Variants in TBL3 observed in about 807,000 individuals in gnomAD.
TBL3 encodes transducin beta-like protein 3.
Under a neutral mutation model 102.7 loss-of-function variants are expected in TBL3, and 71 were observed. The observed-to-expected ratio is 0.69, with a 90% CI of 0.57 to 0.84. The LOEUF (loss-of-function observed/expected upper bound fraction) is 0.84, where lower values mean the gene tolerates loss of function less well. Ranked by LOEUF, TBL3 falls within the 40% of genes least tolerant of loss-of-function variation. The pLI is 0.00. For missense variants in TBL3, 1,188 were observed against 1,098.5 expected (o/e 1.08, Z -1.15); for synonymous variants, 578 against 477.7 (o/e 1.21, Z -2.74).
rs745510111 is a variant in TBL3 at position 1,977,941 on chromosome 16, T to TCCTCC, written c.1959-9_1959-5dup. On this transcript the variant is annotated splice_polypyrimidine_tract_variant and intron_variant, in intron 18 of 21. Transcript: ENST00000568546. ...CCAGCCAGCGGCCCTCAGTGGCCTC[T>TCCTCC]CCTCCCCTCCCCACAGGCAGCAAGA... The TCCTCC allele has an allele frequency of 6.9e-6, 11 of 1,590,514 alleles. No individual in the cohort carries two copies. The Admixed American group carries it at 1.9e-4, about 27-fold the overall frequency.
chr16:1,975,494 T>C, intron 9 of TBL3, 35 bp from the exon 10 acceptor site: 2 of 1,603,060 alleles, frequency 1.2e-6, no homozygotes, highest in East Asian at 2.2e-5. Flanking sequence ...CCTGTGGACC[T>C]GAGAGTCTCA....
At position 1,972,158 on chromosome 16, in the gene TBL3, C is replaced by A. The variant is rs1335712073; in HGVS notation, c.-7C>A. ...CAGGTTTCAGCTGGAGCGGCGGCGG[C>A]GGCAACATGGCAGAGACCGCGGCCG... On this transcript the variant is annotated 5_prime_UTR_variant, in exon 1 of 22. Coordinates refer to ENST00000568546, the MANE Select transcript of TBL3 (RefSeq NM_006453.3). 2.1e-6 allele frequency: 3 copies of A among 1,462,430 alleles called. No individual in the cohort carries two copies. Among genetic ancestry groups the A allele is most frequent in the East Asian group, 5.9e-5 (2 of 33,826 alleles). 90.6% of individuals were successfully genotyped at this position (1,462,430 alleles called of 1,614,324 possible). A position where few individuals can be genotyped will look rare whatever the true frequency, so the allele number is the denominator to read the frequency against.
In TBL3 at chr16:1,980,247, C is replaced by T; in HGVS notation, c.*1562C>T. 3.9e-6 allele frequency: 6 copies of T among 1,524,630 alleles called. No homozygotes were observed. The highest frequency in any genetic ancestry group is 4.4e-6 in the Non-Finnish European group (5 of 1,134,794). The allele number at this position is 1,524,630 out of a possible 1,614,324, so 94.4% of individuals were successfully genotyped here. A position where few individuals can be genotyped will look rare whatever the true frequency, so the allele number is the denominator to read the frequency against. On this transcript the variant is annotated 3_prime_UTR_variant, in exon 22 of 22. Coordinates refer to ENST00000568546, the MANE Select transcript of TBL3 (RefSeq NM_006453.3). ...GGGAGGGTGAAACTGGGGGCGCCAC[C>T]CCGGCAAGACCGCCAGCCTCCCACT... is the stretch of plus-strand genomic sequence containing the variant.
rs1282212593 is a variant in TBL3 at position 1,979,784 on chromosome 16, G to A, written c.*1099G>A. On this transcript the variant is annotated 3_prime_UTR_variant, in exon 22 of 22. Coordinates refer to ENST00000568546, the MANE Select transcript of TBL3 (RefSeq NM_006453.3). Reference sequence around the variant, plus strand: ...GGTGGCGTGAGGGGTGGGGTTAGGCGCATACCGCTGCTCCCTAGGGACGGG... The same window carrying A: ...GGTGGCGTGAGGGGTGGGGTTAGGCACATACCGCTGCTCCCTAGGGACGGG... 4 of 1,528,984 alleles carry A rather than the reference G, an allele frequency of 2.6e-6. No individual in the cohort carries two copies. The highest frequency in any genetic ancestry group is 2.4e-5 in the East Asian group (1 of 41,002). 94.7% of individuals were successfully genotyped at this position (1,528,984 alleles called of 1,614,324 possible).
At chr16:1,976,760 C>T (rs878978677) in intron 13 of TBL3, 54 bp from the exon 14 acceptor site, 3 of 1,601,370 alleles carry the variant, frequency 1.9e-6, no homozygotes, top group Non-Finnish European at 2.6e-6. Flanking sequence ...GGGAGCTGGC[C>T]ATCAGGGCTG....
At chr16:1,977,708 G>A (rs1597050981) in intron 17 of TBL3, 34 bp from the exon 18 acceptor site, 1 of 1,551,946 alleles carries the variant, frequency 6.4e-7, no homozygotes, top group Non-Finnish European at 8.7e-7. Context: ...TCGGGGTGGA[G>A]TGGAGGCCCC....
chr16:1,980,674 C>T lies in TBL3; in HGVS notation c.*1989C>T, dbSNP rs776086845. ...GCCTGACCGAGAAGCTTTGGGAGAACGCGGTCAGATCTCCGCAGCAGGCCC... is the reference window on the plus strand; with the variant it reads ...GCCTGACCGAGAAGCTTTGGGAGAATGCGGTCAGATCTCCGCAGCAGGCCC... On this transcript the variant is annotated 3_prime_UTR_variant, in exon 22 of 22. Coordinates refer to ENST00000568546, the MANE Select transcript of TBL3 (RefSeq NM_006453.3). 78 of 1,606,948 alleles carry T rather than the reference C, an allele frequency of 4.9e-5. No homozygotes were observed. Among genetic ancestry groups the T allele is most frequent in the East Asian group, 3.4e-4 (15 of 44,708 alleles).
Position 1,975,627 on chromosome 16 carries a change from C to G in TBL3, c.904C>G (p.His302Asp). The G allele has an allele frequency of 6.2e-7, 1 of 1,603,630 alleles. No homozygotes were observed. The highest frequency in any genetic ancestry group is 8.5e-7 in the Non-Finnish European group (1 of 1,179,810). Residue 302 changes from histidine (H) to aspartate (D), a missense_variant, in exon 10 of 22, where the codon CAC (histidine) becomes GAC (aspartate). Physicochemically the swap from His to Asp is moderately conservative, Grantham distance 81. Transcript: ENST00000568546. ...GQELTHCTLA[H>D]TAGVVLTATA... ...GGAGCTGACCCACTGCACCCTGGCA[C>G]ACACCGCCGGCGTGGTCCTCACCGC...
rs752905250 is a variant in TBL3 at position 1,976,334 on chromosome 16, C to T, written c.1292+20C>T. 1.2e-6 allele frequency: 2 copies of T among 1,601,972 alleles called. No individual in the cohort carries two copies. Among genetic ancestry groups the T allele is most frequent in the Non-Finnish European group, 1.7e-6 (2 of 1,172,786 alleles). On this transcript the variant is annotated intron_variant, in intron 13 of 21. Transcript: ENST00000568546. ...CTCTAGGTAGTGAGTCGGGGCTGGG[C>T]CCAGGGGTGTCAGGGAGGTGGAGGC...
rs144057628 is a variant in TBL3, at chr16:1,977,499, C to G, written c.1743-15C>G. 6.2e-7 allele frequency: 1 copy of G among 1,609,196 alleles called. No individual in the cohort carries two copies. The highest frequency in any genetic ancestry group is 8.5e-7 in the Non-Finnish European group (1 of 1,178,186). ...GACCTGCCTGACGCTGAGCCTCTCC[C>G]CACCCCAAACCCAGCGGTTCGGATG... On this transcript the variant is annotated splice_polypyrimidine_tract_variant and intron_variant, in intron 16 of 21. Coordinates refer to ENST00000568546, the MANE Select transcript of TBL3 (RefSeq NM_006453.3).
chr16:1,979,282 T>A lies in TBL3; in HGVS notation c.*597T>A, dbSNP rs1280563560. 6.4e-7 allele frequency: 1 copy of A among 1,555,890 alleles called. No individual in the cohort carries two copies. Among genetic ancestry groups the A allele is most frequent in the Admixed American group, 1.8e-5 (1 of 54,522 alleles). On this transcript the variant is annotated 3_prime_UTR_variant, in exon 22 of 22. Coordinates refer to ENST00000568546, the MANE Select transcript of TBL3 (RefSeq NM_006453.3). ...TCTCCTCCACGGAACCCCGTCCCGCTCAGGAGAGCGCCCAGCCCTTCCGGC... is the reference window on the plus strand; with the variant it reads ...TCTCCTCCACGGAACCCCGTCCCGCACAGGAGAGCGCCCAGCCCTTCCGGC...
chr16:1,973,792 TGGGC>T (rs1280212430), intron 1 of TBL3, among the ~76,000 whole-genome samples: 2 of 152,150 alleles, frequency 1.3e-5, no homozygotes, highest in Admixed American at 6.5e-5. Context: ...CCTGGGCTGT[TGGGC>T]TGACTCCACC....
rs35795901 is a variant in TBL3 at position 1,975,957 on chromosome 16, G to A, written c.1129+8G>A. 132,188 of 1,614,072 alleles carry A rather than the reference G, an allele frequency of 0.082. 6,166 individuals are homozygous for A. The highest frequency in any genetic ancestry group is 0.091 in the Non-Finnish European group (107,834 of 1,179,968). On this transcript the variant is annotated splice_region_variant and intron_variant, in intron 11 of 21. Transcript: ENST00000568546. ...TCCTCCACGGCCACACGGGTGAGTG[G>A]GGCCAGCCCACCTGACACCCTGGGA...
rs1440001968 is a variant in TBL3 at position 1,975,715 on chromosome 16, A to G, written c.987+5A>G. The G allele has an allele frequency of 2.5e-6, 4 of 1,612,016 alleles. No individual in the cohort carries two copies. The highest frequency in any genetic ancestry group is 2.7e-5 in the African/African-American group (2 of 74,910). ...TCCCTGCGGCTGCAGAAACAGGTGC[A>G]CACCTGCCCTTGCTCAGTCTGGAGG... is the stretch of plus-strand genomic sequence containing the variant. On this transcript the variant is annotated splice_donor_5th_base_variant and intron_variant, in intron 10 of 21. Coordinates refer to ENST00000568546, the MANE Select transcript of TBL3 (RefSeq NM_006453.3).
Position 1,980,847 on chromosome 16 carries a change from C to T in TBL3, c.*2162C>T. On this transcript the variant is annotated 3_prime_UTR_variant, in exon 22 of 22. Transcript: ENST00000568546. ...AGCTTCAGCAGGGACGAAGGGCCTC[C>T]AGTGGGAGTCACTGATGGGAGGCAG... 1 of 1,462,922 alleles carries T rather than the reference C, an allele frequency of 6.8e-7. No individual in the cohort carries two copies. The highest frequency in any genetic ancestry group is 9.4e-7 in the Non-Finnish European group (1 of 1,060,192). The allele number at this position is 1,462,922 out of a possible 1,614,324, so 90.6% of individuals were successfully genotyped here. A position where few individuals can be genotyped will look rare whatever the true frequency, so the allele number is the denominator to read the frequency against.
rs189108187 is a variant in TBL3, at chr16:1,981,682, C to A, written c.*2997C>A. ...GGATTTCTGTGCAGAACCAAGGACT[C>A]AGTGCTTACAGCTTTAAGTGCTTTG... On this transcript the variant is annotated 3_prime_UTR_variant, in exon 22 of 22. Transcript: ENST00000568546. 30 of 165,640 alleles carry A rather than the reference C, an allele frequency of 1.8e-4. No homozygotes were observed. Among genetic ancestry groups the A allele is most frequent in the Admixed American group, 1.4e-3 (24 of 17,476 alleles). The allele number at this position is 165,640 out of a possible 1,614,324, so 10.3% of individuals were successfully genotyped here.
rs2083442498 is a variant in TBL3, at chr16:1,979,211, G to T, written c.*526G>T. The T allele has an allele frequency of 6.8e-7, 1 of 1,471,676 alleles. No homozygotes were observed. The highest frequency in any genetic ancestry group is 1.5e-5 in the African/African-American group (1 of 68,772). The allele number at this position is 1,471,676 out of a possible 1,614,324, so 91.2% of individuals were successfully genotyped here. On this transcript the variant is annotated 3_prime_UTR_variant, in exon 22 of 22. Transcript: ENST00000568546. Reference sequence around the variant, plus strand: ...TGGGCACGGTGGGGGGAGGGGCGGTGGCCTGGGAGGGTTCAGGGAAGCCCC... The same window carrying T: ...TGGGCACGGTGGGGGGAGGGGCGGTTGCCTGGGAGGGTTCAGGGAAGCCCC...
rs775586821 is a variant in TBL3, at chr16:1,979,493, C to T, written c.*808C>T. Reference sequence around the variant, plus strand: ...CGCGCGCCCCCGCGGGCACGGACAGCTCATCTGCGCGGCTGCTCTCGTAGG... The same window carrying T: ...CGCGCGCCCCCGCGGGCACGGACAGTTCATCTGCGCGGCTGCTCTCGTAGG... On this transcript the variant is annotated 3_prime_UTR_variant, in exon 22 of 22. Coordinates refer to ENST00000568546, the MANE Select transcript of TBL3 (RefSeq NM_006453.3). The T allele has an allele frequency of 4.3e-6, 7 of 1,611,836 alleles. No homozygotes were observed. The highest frequency in any genetic ancestry group is 3.3e-4 in the Middle Eastern group (2 of 6,076).
chr16:1,977,814 A>G lies in TBL3; in HGVS notation c.1958+14A>G. 6.4e-7 allele frequency: 1 copy of G among 1,557,498 alleles called. No individual in the cohort carries two copies. Among genetic ancestry groups the G allele is most frequent in the Non-Finnish European group, 8.7e-7 (1 of 1,150,454 alleles). On this transcript the variant is annotated intron_variant, in intron 18 of 21. Transcript: ENST00000568546. ...GCAGGTGGTCAGGTAAGGCCAGGGCAGTGGCGCCCCTCCCCGCATCAGCCC... is the reference window on the plus strand; with the variant it reads ...GCAGGTGGTCAGGTAAGGCCAGGGCGGTGGCGCCCCTCCCCGCATCAGCCC...
Sources: allele counts gnomAD v4.1 joint callset (sites outside exome capture counted in the v4.1 genomes callset), GRCh38; gene constraint gnomAD v4.1.1; transcripts MANE v1.5; gene names NCBI Gene and HGNC (gene_info 2026-07-23, HGNC 2026-07-21).